Variants in ASTN2 observed in about 807,000 individuals in gnomAD.
ASTN2 encodes astrotactin 2, also known as astrotactin-2.
A neutral mutation model predicts 139.8 loss-of-function variants in ASTN2; 54 were observed. The observed-to-expected ratio is 0.39, with a 90% CI of 0.31 to 0.48. The LOEUF (loss-of-function observed/expected upper bound fraction) is 0.48. ASTN2 is among the 20% of genes least tolerant of loss of function. The pLI is 0.95. For synonymous variants in ASTN2, 756 were observed against 719.5 expected (o/e 1.05, Z -0.81); for missense variants, 1,565 against 1,725.1 (o/e 0.91, Z 1.64).
At chr9:116,962,821 G>C (rs530419673) in intron 10 of ASTN2, among the ~76,000 whole-genome samples, 8 of 152,258 alleles carry the variant, frequency 5.3e-5, no homozygotes, top group African/African-American at 1.9e-4. Context: ...CTGTTTTGAT[G>C]GTAGAGTGTT....
At chr9:117,009,829 C>T (rs1837464442) in intron 6 of ASTN2, among the ~76,000 whole-genome samples, 1 of 152,152 alleles carries the variant, frequency 6.6e-6, no homozygotes, top group Non-Finnish European at 1.5e-5. Context: ...TTGGACTCCT[C>T]TTGGCTCTGG....
At chr9:116,488,552 C>T (rs1849411665) in intron 19 of ASTN2, among the ~76,000 whole-genome samples, 1 of 152,084 alleles carries the variant, frequency 6.6e-6, no homozygotes, top group South Asian at 2.1e-4. Flanking sequence ...ATAGAAATGG[C>T]TATATCAATT....
chr9:117,174,326 TGA>T (rs1236241457), intron 3 of ASTN2, among the ~76,000 whole-genome samples: 1 of 151,778 alleles, frequency 6.6e-6, no homozygotes, highest in East Asian at 1.9e-4. Context: ...AAAAAATAAG[TGA>T]GTCTCAGGAA....
chr9:116,920,124 C>T (rs1468997797), intron 10 of ASTN2, among the ~76,000 whole-genome samples: 2 of 152,026 alleles, frequency 1.3e-5, no homozygotes, highest in Non-Finnish European at 2.9e-5. Flanking sequence ...GGATTAGATG[C>T]TCTCTAAAGA....
intron 11 of ASTN2, among the ~76,000 whole-genome samples, chr9:116,835,603 G>C (rs1831960376): frequency 6.6e-6 from 1 of 152,064 alleles, no homozygotes; most frequent in South Asian, 2.1e-4. Context: ...CCTATAGTCT[G>C]GAACCAACAA....
chr9:117,084,147 T>A (rs879404965), intron 5 of ASTN2, among the ~76,000 whole-genome samples: 4 of 152,212 alleles, frequency 2.6e-5, no homozygotes, highest in South Asian at 2.1e-4. Flanking sequence ...ATACATAATT[T>A]TCTCTTCTCT....
chr9:117,084,812 T>A (rs1828520430), intron 5 of ASTN2, among the ~76,000 whole-genome samples: 2 of 152,236 alleles, frequency 1.3e-5, no homozygotes, highest in South Asian at 4.1e-4. Flanking sequence ...CTGGCTAATA[T>A]TAAATGATTA....
intron 3 of ASTN2, among the ~76,000 whole-genome samples, chr9:117,152,731 T>C (rs1406883835): frequency 6.6e-6 from 1 of 152,160 alleles, no homozygotes; most frequent in Non-Finnish European, 1.5e-5. Flanking sequence ...CTCTTACTTT[T>C]AATTCCTTCC....
At chr9:117,044,575 T>C (rs1838677579) in intron 5 of ASTN2, among the ~76,000 whole-genome samples, 1 of 152,208 alleles carries the variant, frequency 6.6e-6, no homozygotes, top group African/African-American at 2.4e-5. Context: ...AGGTGGAAAC[T>C]ATCTCTCCCA....
chr9:117,361,769 C>G (rs1829698655), intron 1 of ASTN2, among the ~76,000 whole-genome samples: 1 of 152,094 alleles, frequency 6.6e-6, no homozygotes, highest in Non-Finnish European at 1.5e-5. Flanking sequence ...CTCTAGGACC[C>G]TTCTCACTCC....
intron 10 of ASTN2, among the ~76,000 whole-genome samples, chr9:116,941,281 C>G (rs1211022099): frequency 6.6e-6 from 1 of 150,550 alleles, no homozygotes; most frequent in African/African-American, 2.4e-5. Flanking sequence ...CTGGGATAAT[C>G]TGGGATACTT....
intron 2 of ASTN2, among the ~76,000 whole-genome samples, chr9:117,269,725 T>C (rs1834020201): frequency 6.6e-6 from 1 of 152,246 alleles, no homozygotes; most frequent in South Asian, 2.1e-4. Flanking sequence ...GGTGTAAGTC[T>C]AGCCATCATT....
chr9:117,216,082 C>G (rs12000113), intron 2 of ASTN2, among the ~76,000 whole-genome samples: 1 of 151,994 alleles, frequency 6.6e-6, no homozygotes. Context: ...AAGGCAAGGA[C>G]AAATTCTGAC....
At chr9:117,090,258 G>T (rs1437605537) in intron 5 of ASTN2, among the ~76,000 whole-genome samples, 1 of 152,156 alleles carries the variant, frequency 6.6e-6, no homozygotes, top group Non-Finnish European at 1.5e-5. Flanking sequence ...TTATTAGTTG[G>T]CCACTTACAG....
At chr9:117,119,673 A>G (rs1829490810) in intron 4 of ASTN2, among the ~76,000 whole-genome samples, 1 of 152,144 alleles carries the variant, frequency 6.6e-6, no homozygotes, top group Non-Finnish European at 1.5e-5. Context: ...CTTTTTAAAT[A>G]TAATTTTTAC....
At chr9:116,895,067 T>C (rs1282409473) in intron 10 of ASTN2, among the ~76,000 whole-genome samples, 4 of 152,238 alleles carry the variant, frequency 2.6e-5, no homozygotes, top group African/African-American at 7.2e-5. Context: ...TTTGTACAGA[T>C]TGAGCATCCC....
At chr9:117,166,779 C>T (rs1830679636) in intron 3 of ASTN2, among the ~76,000 whole-genome samples, 1 of 152,178 alleles carries the variant, frequency 6.6e-6, no homozygotes, top group Admixed American at 6.6e-5. Context: ...TATTCAGTAT[C>T]TTCTTCCCCA....
chr9:116,563,474 A>G (rs1853029975), intron 19 of ASTN2, among the ~76,000 whole-genome samples: 1 of 152,186 alleles, frequency 6.6e-6, no homozygotes, highest in African/African-American at 2.4e-5. Context: ...CCACATGAAC[A>G]ATGATCTCTT....
intron 20 of ASTN2, among the ~76,000 whole-genome samples, chr9:116,473,835 G>C (rs781459867): frequency 3.9e-5 from 6 of 152,034 alleles, no homozygotes; most frequent in Non-Finnish European, 5.9e-5. Context: ...CCAGGAAGCG[G>C]AGGTTGCAGT....
Sources: allele counts gnomAD v4.1 joint callset (sites outside exome capture counted in the v4.1 genomes callset), GRCh38; gene constraint gnomAD v4.1.1; transcripts MANE v1.5; gene names NCBI Gene and HGNC (gene_info 2026-07-23, HGNC 2026-07-21).